INPP5A: variants seen among roughly 807,000 people sequenced by gnomAD.
INPP5A encodes inositol polyphosphate-5-phosphatase A, also known as 43 kDa inositol polyphosphate 5-phophatase.
INPP5A carries 14 observed loss-of-function variants against 65.2 expected under a neutral mutation model. That is an observed-to-expected ratio of 0.21 (90% CI 0.14 to 0.34). The LOEUF is 0.34. Among genes scored for constraint, INPP5A ranks in the 10% least tolerant of loss-of-function variants. INPP5A has a pLI of 1.00. For missense variants in INPP5A, 431 were observed against 545.6 expected, an observed-to-expected ratio of 0.79 and a Z score of 2.09; for synonymous variants, 207 against 208.3, an observed-to-expected ratio of 0.99 and a Z score of 0.05.
At chr10:132,746,967 G>T (rs905831085) in intron 9 of INPP5A, among the ~76,000 whole-genome samples, 2 of 152,206 alleles carry the variant, frequency 1.3e-5, no homozygotes, top group African/African-American at 2.4e-5. Context: ...AGGGGTTTGG[G>T]GTGGCCGGCC....
intron 1 of INPP5A, among the ~76,000 whole-genome samples, chr10:132,594,495 G>A (rs959620173): frequency 6.6e-6 from 1 of 152,066 alleles, no homozygotes; most frequent in African/African-American, 2.4e-5. Context: ...ATAGGCATGT[G>A]GTGAGTGTGT....
At chr10:132,600,102 A>C (rs1413472947) in intron 1 of INPP5A, among the ~76,000 whole-genome samples, 2 of 152,172 alleles carry the variant, frequency 1.3e-5, no homozygotes, top group Non-Finnish European at 2.9e-5. Context: ...CTTGCTACTT[A>C]CCCAGATTTC....
chr10:132,545,899 C>T lies in INPP5A; in HGVS notation c.75+7728C>T, dbSNP rs752903959. On this transcript the variant is annotated intron_variant, in intron 1 of 15. Transcript: ENST00000368594. This position sits in a 1 kb window ranked among gnomAD's most constrained non-coding sequence, Gnocchi z 4.6. ...CTGCCTCAATCGTGGTTGCTGCCTC[C>T]GCTCGGCCTGAGGTGATGAGAGTGT... Among the ~76,000 whole-genome samples the T allele has an allele frequency of 3.4e-4, 52 of 152,374 alleles. No homozygotes were observed. The highest frequency in any genetic ancestry group is 6.2e-4 in the South Asian group (3 of 4,830).
At chr10:132,554,566 G>T (rs1429577347) in intron 1 of INPP5A, among the ~76,000 whole-genome samples, 3 of 151,978 alleles carry the variant, frequency 2.0e-5, no homozygotes, top group Non-Finnish European at 4.4e-5. Context: ...GTGGGTTGTG[G>T]TTGGCGTGGT....
intron 1 of INPP5A, among the ~76,000 whole-genome samples, chr10:132,590,277 C>T (rs1051698386): frequency 2.4e-4 from 37 of 152,086 alleles, no homozygotes; most frequent in African/African-American, 8.0e-4. Flanking sequence ...TCCGTGGTGA[C>T]GCCGTCCTGT....
intron 11 of INPP5A, among the ~76,000 whole-genome samples, chr10:132,750,728 C>T (rs144547251): frequency 3.3e-5 from 5 of 152,176 alleles, no homozygotes; most frequent in African/African-American, 1.2e-4. Flanking sequence ...CCGTGTGCAA[C>T]GAGCCAGCAT....
chr10:132,568,614 A>G (rs1478828661), intron 1 of INPP5A, among the ~76,000 whole-genome samples: 2 of 151,852 alleles, frequency 1.3e-5, no homozygotes, highest in African/African-American at 2.4e-5. Flanking sequence ...AAAATTAGCC[A>G]TCCGTGGTGT....
At chr10:132,542,598 C>A (rs2070921059) in intron 1 of INPP5A, among the ~76,000 whole-genome samples, 1 of 151,640 alleles carries the variant, frequency 6.6e-6, no homozygotes, top group African/African-American at 2.4e-5. Flanking sequence ...GGGGGGGTCT[C>A]CCCTCCATGT....
chr10:132,712,299 T>C (rs533476690), intron 8 of INPP5A, among the ~76,000 whole-genome samples: 5 of 152,148 alleles, frequency 3.3e-5, no homozygotes, highest in South Asian at 4.1e-4. Flanking sequence ...CATGTGAGTG[T>C]ATGCACAGTT....
intron 4 of INPP5A, among the ~76,000 whole-genome samples, chr10:132,686,966 A>G (rs1845141283): frequency 6.6e-6 from 1 of 152,202 alleles, no homozygotes; most frequent in Non-Finnish European, 1.5e-5. Context: ...TTTTTTTGAG[A>G]CGGAGTCTCG....
intron 2 of INPP5A, among the ~76,000 whole-genome samples, chr10:132,620,421 C>A (rs528240333): frequency 6.6e-6 from 1 of 152,338 alleles, no homozygotes; most frequent in East Asian, 1.9e-4. Context: ...GCTCCCACAT[C>A]TGAGTGTAGG....
chr10:132,777,995 C>A, intron 13 of INPP5A: 2 of 1,340,232 alleles, frequency 1.5e-6, no homozygotes, highest in Non-Finnish European at 2.0e-6. Flanking sequence ...CAGATGGAGC[C>A]GAGTTCCTGG....
In INPP5A at chr10:132,587,194, G is replaced by A. The variant is rs2071556061; in HGVS notation, c.76-20721G>A. On this transcript the variant is annotated intron_variant, in intron 1 of 15. Coordinates refer to ENST00000368594, the MANE Select transcript of INPP5A (RefSeq NM_005539.5). The surrounding 1 kb of genome is among the most constrained non-coding windows in gnomAD (Gnocchi z 4.3). ...GTGTGAAAACAGTAGGCAATGAACA[G>A]TGTCCACAGAACTCAGAGGGCGGAC... Among the ~76,000 whole-genome samples, 2 of 152,236 alleles carry A rather than the reference G, an allele frequency of 1.3e-5. No homozygotes were observed. The highest frequency in any genetic ancestry group is 2.9e-5 in the Non-Finnish European group (2 of 68,042).
chr10:132,612,714 G>A (rs973427387), intron 2 of INPP5A, among the ~76,000 whole-genome samples: 7 of 152,340 alleles, frequency 4.6e-5, no homozygotes, highest in African/African-American at 1.4e-4. Context: ...GGGCTGGGCT[G>A]TGGCTGGAGC....
At position 132,616,428 on chromosome 10, in the gene INPP5A, G is replaced by A. The variant is rs1022799769; in HGVS notation, c.117+8472G>A. On this transcript the variant is annotated intron_variant, in intron 2 of 15. Coordinates refer to ENST00000368594, the MANE Select transcript of INPP5A (RefSeq NM_005539.5). This position sits in a 1 kb window ranked among gnomAD's most constrained non-coding sequence, Gnocchi z 4.9. The stretch of plus-strand genomic sequence containing the variant: ...CGGGGACGCCGTGGGCGTGGTGTGG[G>A]ATATGTGGTATTGGGAACATGGTGG... Among the ~76,000 whole-genome samples the A allele has an allele frequency of 1.4e-4, 21 of 152,132 alleles. No homozygotes were observed. Among genetic ancestry groups the A allele is most frequent in the Non-Finnish European group, 2.4e-4 (16 of 68,012 alleles).
chr10:132,539,958 C>G (rs2070888559), intron 1 of INPP5A, among the ~76,000 whole-genome samples: 1 of 152,186 alleles, frequency 6.6e-6, no homozygotes, highest in Non-Finnish European at 1.5e-5. Flanking sequence ...ACTGGTTTTC[C>G]TCACACTTTA....
At chr10:132,666,774 T>A (rs1459345238) in intron 4 of INPP5A, among the ~76,000 whole-genome samples, 2 of 152,232 alleles carry the variant, frequency 1.3e-5, no homozygotes, top group African/African-American at 4.8e-5. Context: ...AGCTGTCCCC[T>A]TAAAGCGGCC....
intron 4 of INPP5A, among the ~76,000 whole-genome samples, chr10:132,657,758 G>A (rs989788411): frequency 6.6e-6 from 1 of 152,244 alleles, no homozygotes; most frequent in African/African-American, 2.4e-5. Flanking sequence ...GGAAGGAAAG[G>A]CAAACGCGTT....
At position 132,697,756 on chromosome 10, in the gene INPP5A, A is replaced by G; in HGVS notation, c.371-60A>G. The G allele has an allele frequency of 1.7e-6, 2 of 1,174,776 alleles. No homozygotes were observed. The highest frequency in any genetic ancestry group is 2.5e-5 in the South Asian group (2 of 78,696). The allele number at this position is 1,174,776 out of a possible 1,614,324, so 72.8% of individuals were successfully genotyped here. Reference sequence around the variant, plus strand: ...GTCGGGTGGAAACAGGTTGTGCTCCAGGCTGGTTGGATGGGGCACAGTGAT... The same window carrying G: ...GTCGGGTGGAAACAGGTTGTGCTCCGGGCTGGTTGGATGGGGCACAGTGAT... On this transcript the variant is annotated intron_variant, in intron 5 of 15. Transcript: ENST00000368594. This position sits in a 1 kb window ranked among gnomAD's most constrained non-coding sequence, Gnocchi z 5.6.
Sources: gnomAD v4.1 joint callset for allele counts (sites outside exome capture counted in the v4.1 genomes callset) on GRCh38, gnomAD v4.1.1 for gene constraint, Gnocchi (gnomAD v3.1) non-coding constraint, MANE v1.5 for transcripts, NCBI Gene and HGNC (gene_info 2026-07-23, HGNC 2026-07-21) for gene names.